Variants in MAPK10 observed in about 807,000 individuals in gnomAD.
MAPK10 encodes the protein JNK3 alpha protein kinase.
A neutral mutation model predicts 59.3 loss-of-function variants in MAPK10; 25 were observed. The ratio of observed to expected loss-of-function variants is 0.42; its 90% CI spans 0.31 to 0.59. The LOEUF (loss-of-function observed/expected upper bound fraction) is 0.59. Ranked by LOEUF, MAPK10 falls within the 20% of genes least tolerant of loss-of-function variation. The pLI is 0.15. For synonymous variants in MAPK10, 190 were observed against 200.5 expected (o/e 0.95, Z 0.44); for missense variants, 351 against 568.9 (o/e 0.62, Z 3.90).
At chr4:86,528,453 T>C (rs1757636519) in intron 1 of MAPK10, among the ~76,000 whole-genome samples, 1 of 152,198 alleles carries the variant, frequency 6.6e-6, no homozygotes, top group Non-Finnish European at 1.5e-5. Context: ...ATATGGCACA[T>C]ATAATTATTT....
chr4:86,523,533 A>C (rs75107727), intron 1 of MAPK10, among the ~76,000 whole-genome samples: 7,136 of 152,286 alleles, frequency 0.047, 223 homozygotes, highest in African/African-American at 0.059. Context: ...TTCTTGCTTC[A>C]TCACTTCTCT....
intron 4 of MAPK10, among the ~76,000 whole-genome samples, chr4:86,131,363 A>G (rs1158299014): frequency 6.6e-6 from 1 of 152,176 alleles, no homozygotes; most frequent in East Asian, 1.9e-4. Context: ...AAGAATTATT[A>G]CTGCAGAATG....
intron 11 of MAPK10, among the ~76,000 whole-genome samples, chr4:86,041,342 TA>T (rs2041487765): frequency 6.6e-6 from 1 of 152,094 alleles, no homozygotes; most frequent in Non-Finnish European, 1.5e-5. Flanking sequence ...CAAGATCGAT[TA>T]AAGACTTAAA....
At chr4:86,236,986 C>T (rs1431417700) in intron 2 of MAPK10, among the ~76,000 whole-genome samples, 1 of 151,662 alleles carries the variant, frequency 6.6e-6, no homozygotes, top group East Asian at 1.9e-4. Flanking sequence ...GTTGCCTCCC[C>T]TAGACCCCCC....
At chr4:86,565,970 T>C (rs1359244429) in intron 1 of MAPK10, among the ~76,000 whole-genome samples, 1 of 152,218 alleles carries the variant, frequency 6.6e-6, no homozygotes, top group Non-Finnish European at 1.5e-5. Flanking sequence ...CCCAAGTCTC[T>C]TGTAACTTCT....
intron 2 of MAPK10, among the ~76,000 whole-genome samples, chr4:86,299,261 T>C (rs2095424938): frequency 6.6e-6 from 1 of 152,194 alleles, no homozygotes; most frequent in Non-Finnish European, 1.5e-5. Context: ...ACAGACTTGG[T>C]TTTTGGCAAC....
At chr4:86,561,077 GA>G (rs769520266) in intron 1 of MAPK10, among the ~76,000 whole-genome samples, 4 of 152,196 alleles carry the variant, frequency 2.6e-5, no homozygotes, top group Non-Finnish European at 5.9e-5. Context: ...TTTCATGTCA[GA>G]CCATCAGGCA....
At chr4:86,419,355 A>C (rs1044128048) in intron 1 of MAPK10, among the ~76,000 whole-genome samples, 3 of 152,188 alleles carry the variant, frequency 2.0e-5, no homozygotes, top group African/African-American at 4.8e-5. Context: ...CATATATAAA[A>C]TATTACCTTG....
intron 2 of MAPK10, among the ~76,000 whole-genome samples, chr4:86,307,520 A>G (rs768093074): frequency 2.0e-5 from 3 of 152,186 alleles, no homozygotes; most frequent in African/African-American, 4.8e-5. Context: ...GTTGTAAGTT[A>G]GAGAAAGGAG....
At chr4:86,023,612 A>C (rs1748526314) in intron 13 of MAPK10, among the ~76,000 whole-genome samples, 1 of 151,896 alleles carries the variant, frequency 6.6e-6, no homozygotes, top group African/African-American at 2.4e-5. Context: ...AATTTCTTTC[A>C]ACAATGTTTC....
intron 13 of MAPK10, among the ~76,000 whole-genome samples, chr4:86,021,679 C>T (rs181793253): frequency 0.011 from 1,652 of 152,338 alleles, 22 homozygotes; most frequent in Admixed American, 0.028. Context: ...CGGGGAGGCT[C>T]GGGCTGCACA....
chr4:86,133,313 T>C (rs2061345652), intron 4 of MAPK10, among the ~76,000 whole-genome samples: 2 of 152,230 alleles, frequency 1.3e-5, no homozygotes, highest in African/African-American at 4.8e-5. Flanking sequence ...TAAAGTATTA[T>C]CTTTTTAGAT....
At chr4:86,398,973 C>T (rs1466644236) in intron 1 of MAPK10, among the ~76,000 whole-genome samples, 2 of 152,096 alleles carry the variant, frequency 1.3e-5, no homozygotes, top group African/African-American at 4.8e-5. Flanking sequence ...TTCCATGGTG[C>T]ATAGGTACCA....
intron 4 of MAPK10, among the ~76,000 whole-genome samples, chr4:86,149,876 TG>T (rs1215339083): frequency 3.9e-5 from 6 of 152,204 alleles, no homozygotes; most frequent in African/African-American, 1.4e-4. Context: ...GCCCTCAGTA[TG>T]TTGGCCAGTC....
chr4:86,030,925 T>C (rs1257482235), intron 12 of MAPK10, among the ~76,000 whole-genome samples: 1 of 152,206 alleles, frequency 6.6e-6, no homozygotes, highest in Non-Finnish European at 1.5e-5. Context: ...TCAAGTCTTA[T>C]CAATCCAATG....
At chr4:86,259,194 T>C (rs2093883295) in intron 2 of MAPK10, among the ~76,000 whole-genome samples, 1 of 152,092 alleles carries the variant, frequency 6.6e-6, no homozygotes, top group African/African-American at 2.4e-5. Flanking sequence ...TCTTCATATT[T>C]CTCCCTGAGA....
At chr4:86,444,737 C>G (rs957313667) in intron 1 of MAPK10, among the ~76,000 whole-genome samples, 1 of 151,206 alleles carries the variant, frequency 6.6e-6, no homozygotes, top group African/African-American at 2.4e-5. Context: ...AAAAAACAAC[C>G]CTATCAAAAA....
At chr4:86,118,290 T>C (rs1224102896) in intron 4 of MAPK10, among the ~76,000 whole-genome samples, 1 of 152,224 alleles carries the variant, frequency 6.6e-6, no homozygotes, top group Non-Finnish European at 1.5e-5. Flanking sequence ...AATCTTGGCC[T>C]GTGGAATCTT....
At chr4:86,289,017 T>C (rs2095130247) in intron 2 of MAPK10, among the ~76,000 whole-genome samples, 1 of 151,630 alleles carries the variant, frequency 6.6e-6, no homozygotes, top group African/African-American at 2.4e-5. Context: ...CAGGTGGTGA[T>C]GAAGGCTATC....
Sources: allele counts gnomAD v4.1 joint callset (sites outside exome capture counted in the v4.1 genomes callset), GRCh38; gene constraint gnomAD v4.1.1; transcripts MANE v1.5; gene names NCBI Gene and HGNC (gene_info 2026-07-23, HGNC 2026-07-21).